TMEM158: variants seen among roughly 807,000 people sequenced by gnomAD.
TMEM158 encodes 40 kDa BINP-binding protein.
A neutral mutation model predicts 12.0 loss-of-function variants in TMEM158; 7 were observed. The ratio of observed to expected loss-of-function variants is 0.59; its 90% CI spans 0.33 to 1.10. The LOEUF is 1.10. Among genes scored for constraint, TMEM158 ranks in the 50% least tolerant of loss-of-function variants. The probability of loss-of-function intolerance (pLI) is 0.03; values close to 1 mark genes in which losing one functional copy is unlikely to be tolerated. For synonymous variants in TMEM158, 209 were observed against 231.1 expected, an observed-to-expected ratio of 0.90 and a Z score of 0.87; for missense variants, 405 against 454.7, an observed-to-expected ratio of 0.89 and a Z score of 0.99.
Position 45,224,662 on chromosome 3 carries a change from A to G in TMEM158, c.*463T>C, listed in dbSNP as rs983142967. Reference sequence around the variant, plus strand: ...TAAATTAAAAAACCACAAATTTCAAATACAACTATGTTCAGATACAAAGAG... The same window carrying G: ...TAAATTAAAAAACCACAAATTTCAAGTACAACTATGTTCAGATACAAAGAG... On this transcript the variant is annotated 3_prime_UTR_variant, in exon 1 of 1. Coordinates refer to ENST00000503771, the MANE Select transcript of TMEM158 (RefSeq NM_015444.3). 6.5e-6 allele frequency: 1 copy of G among 153,900 alleles called. No individual in the cohort carries two copies. The highest frequency in any genetic ancestry group is 2.4e-5 in the African/African-American group (1 of 41,546). The allele number at this position is 153,900 out of a possible 1,614,324, so 9.5% of individuals were successfully genotyped here. A position where few individuals can be genotyped will look rare whatever the true frequency, so the allele number is the denominator to read the frequency against.
In TMEM158 at chr3:45,225,703, C is replaced by T. The variant is rs1224305371; in HGVS notation, c.325G>A (p.Gly109Ser). Reference protein sequence around the residue: ...DLLLFSTNAHGRAFFAAAFHR... With the variant: ...DLLLFSTNAHSRAFFAAAFHR... ...AAGGCGGCGGCGAAGAAAGCGCGGCCGTGCGCGTTGGTGGAGAAGAGCAGT... is the reference window on the plus strand; with the variant it reads ...AAGGCGGCGGCGAAGAAAGCGCGGCTGTGCGCGTTGGTGGAGAAGAGCAGT... The change falls in exon 1 of 1, where the codon GGC becomes AGC. Residue 109 changes from glycine (G) to serine (S), a missense_variant. Gly to Ser is a moderately conservative substitution (Grantham distance 56). Transcript: ENST00000503771. This position sits in a 1 kb window ranked among gnomAD's most constrained non-coding sequence, Gnocchi z 5.7. 1 of 1,464,730 alleles carries T rather than the reference C, an allele frequency of 6.8e-7. No individual in the cohort carries two copies. The highest frequency in any genetic ancestry group is 9.0e-7 in the Non-Finnish European group (1 of 1,106,058). 90.7% of individuals were successfully genotyped at this position (1,464,730 alleles called of 1,614,324 possible).
In TMEM158 at chr3:45,226,135, AGTGCGGGCGCGCCGGGCGCC is replaced by A. The variant is rs1700157719; in HGVS notation, c.-128_-109del. 2.0e-6 allele frequency: 2 copies of A among 980,028 alleles called. No homozygotes were observed. Among genetic ancestry groups the A allele is most frequent in the African/African-American group, 3.5e-5 (2 of 56,608 alleles). The allele number at this position is 980,028 out of a possible 1,614,324, so 60.7% of individuals were successfully genotyped here. ...ACCGCGGGAGCCGGCGGCCGGGCGCAGTGCGGGCGCGCCGGGCGCCTGCCAAGCCCGCAGGGGCGGCGCGG... is the reference window on the plus strand; with the variant it reads ...ACCGCGGGAGCCGGCGGCCGGGCGCATGCCAAGCCCGCAGGGGCGGCGCGG... On this transcript the variant is annotated 5_prime_UTR_variant, in exon 1 of 1. The change creates a new upstream start codon in the 5' untranslated region. Coordinates refer to ENST00000503771, the MANE Select transcript of TMEM158 (RefSeq NM_015444.3).
Position 45,225,851 on chromosome 3 carries a change from G to GC in TMEM158, c.176_177insG (p.Glu60ArgfsTer159). On this transcript the variant is annotated frameshift_variant, in exon 1 of 1. Coordinates refer to ENST00000503771, the MANE Select transcript of TMEM158 (RefSeq NM_015444.3). LOFTEE classifies it high-confidence loss of function. The surrounding 1 kb of genome is among the most constrained non-coding windows in gnomAD (Gnocchi z 5.7). Reference sequence around the variant, plus strand: ...CCGCCTCCTCCGGGCCCGGGCGCTCGGGGGGCCCGGGGGCCGCCGAGGCCA... The same window carrying GC: ...CCGCCTCCTCCGGGCCCGGGCGCTCGCGGGGGCCCGGGGGCCGCCGAGGCCA... 3 of 1,225,164 alleles carry GC rather than the reference G, an allele frequency of 2.4e-6. No individual in the cohort carries two copies. Among genetic ancestry groups the GC allele is most frequent in the Non-Finnish European group, 3.0e-6 (3 of 983,764 alleles). The allele number at this position is 1,225,164 out of a possible 1,614,324, so 75.9% of individuals were successfully genotyped here. A position where few individuals can be genotyped will look rare whatever the true frequency, so the allele number is the denominator to read the frequency against.
rs972312990 is a variant in TMEM158, at chr3:45,226,240, T to C, written c.-213A>G. ...CCTCCAGACCCGGTTGCGTTTGGGG[T>C]TCCCCGCCGCCCCCGGCGCCGGGGC... On this transcript the variant is annotated 5_prime_UTR_variant, in exon 1 of 1. Coordinates refer to ENST00000503771, the MANE Select transcript of TMEM158 (RefSeq NM_015444.3). 7 of 454,418 alleles carry C rather than the reference T, an allele frequency of 1.5e-5. No individual in the cohort carries two copies. The highest frequency in any genetic ancestry group is 1.1e-4 in the African/African-American group (5 of 46,392). 28.1% of individuals were successfully genotyped at this position (454,418 alleles called of 1,614,324 possible). A position where few individuals can be genotyped will look rare whatever the true frequency, so the allele number is the denominator to read the frequency against.
chr3:45,225,717 G>A lies in TMEM158; in HGVS notation c.311C>T (p.Ser104Phe). 6.8e-7 allele frequency: 1 copy of A among 1,464,806 alleles called. No homozygotes were observed. The highest frequency in any genetic ancestry group is 9.0e-7 in the Non-Finnish European group (1 of 1,105,698). 90.7% of individuals were successfully genotyped at this position (1,464,806 alleles called of 1,614,324 possible). The stretch of plus-strand genomic sequence containing the variant: ...GAAAGCGCGGCCGTGCGCGTTGGTG[G>A]AGAAGAGCAGTAGGTCGCACTGGAA... Reference protein sequence around the residue: ...RGFQCDLLLFSTNAHGRAFFA... With the variant: ...RGFQCDLLLFFTNAHGRAFFA... Residue 104 changes from serine to phenylalanine, a missense_variant, in exon 1 of 1, where the codon TCC becomes TTC. Coordinates refer to ENST00000503771, the MANE Select transcript of TMEM158 (RefSeq NM_015444.3). The surrounding 1 kb of genome is among the most constrained non-coding windows in gnomAD (Gnocchi z 5.7).
In TMEM158 at chr3:45,224,981, A is replaced by G; in HGVS notation, c.*144T>C. ...AAGCGCAGCACAAACCTTGCTTTTCAAAGGCGCTGGGGTCTCTCGGCGGCC... is the reference window on the plus strand; with the variant it reads ...AAGCGCAGCACAAACCTTGCTTTTCGAAGGCGCTGGGGTCTCTCGGCGGCC... On this transcript the variant is annotated 3_prime_UTR_variant, in exon 1 of 1. Coordinates refer to ENST00000503771, the MANE Select transcript of TMEM158 (RefSeq NM_015444.3). 1 of 1,177,628 alleles carries G rather than the reference A, an allele frequency of 8.5e-7. No individual in the cohort carries two copies. Among genetic ancestry groups the G allele is most frequent in the Non-Finnish European group, 1.1e-6 (1 of 950,056 alleles). 72.9% of individuals were successfully genotyped at this position (1,177,628 alleles called of 1,614,324 possible). A position where few individuals can be genotyped will look rare whatever the true frequency, so the allele number is the denominator to read the frequency against.
chr3:45,225,061 T>C lies in TMEM158; in HGVS notation c.*64A>G. The C allele has an allele frequency of 8.2e-7, 1 of 1,223,434 alleles. No homozygotes were observed. Among genetic ancestry groups the C allele is most frequent in the Non-Finnish European group, 1.0e-6 (1 of 984,072 alleles). The allele number at this position is 1,223,434 out of a possible 1,614,324, so 75.8% of individuals were successfully genotyped here. ...TACAGCACGAAGCACACCGGCCGAG[T>C]CTCCGGCGGGAAAGGCACCCGCGCG... On this transcript the variant is annotated 3_prime_UTR_variant, in exon 1 of 1. Transcript: ENST00000503771. This position sits in a 1 kb window ranked among gnomAD's most constrained non-coding sequence, Gnocchi z 5.7.
rs1700148200 is a variant in TMEM158, at chr3:45,225,516, CCGGCGGTGG to C, written c.503_511del (p.Ala168_Ala170del). 1.8e-6 allele frequency: 2 copies of C among 1,123,842 alleles called. No homozygotes were observed. The highest frequency in any genetic ancestry group is 2.2e-6 in the Non-Finnish European group (2 of 915,790). The allele number at this position is 1,123,842 out of a possible 1,614,324, so 69.6% of individuals were successfully genotyped here. A position where few individuals can be genotyped will look rare whatever the true frequency, so the allele number is the denominator to read the frequency against. The stretch of plus-strand genomic sequence containing the variant: ...GTAGGCTGGCAGCGCGGTGGGCGCC[CCGGCGGTGG>C]CGGCGGCGGCGCTGGGGGCGGCGGC... On this transcript the variant is annotated inframe_deletion, in exon 1 of 1. Transcript: ENST00000503771. The surrounding 1 kb of genome is among the most constrained non-coding windows in gnomAD (Gnocchi z 5.7).
Position 45,226,059 on chromosome 3 carries a change from C to T in TMEM158, c.-32G>A. On this transcript the variant is annotated 5_prime_UTR_variant, in exon 1 of 1. Transcript: ENST00000503771. ...CGGCGGGCGCCTACGCGCGCGAGGC[C>T]GGCGGCGGTTGCATGGCGAGCGGGC... 3.0e-6 allele frequency: 3 copies of T among 985,058 alleles called. No individual in the cohort carries two copies. Among genetic ancestry groups the T allele is most frequent in the Non-Finnish European group, 3.6e-6 (3 of 831,208 alleles). The allele number at this position is 985,058 out of a possible 1,614,324, so 61.0% of individuals were successfully genotyped here.
chr3:45,226,132 C>A lies in TMEM158; in HGVS notation c.-105G>T, dbSNP rs1303163485. 1.0e-6 allele frequency: 1 copy of A among 980,240 alleles called. No individual in the cohort carries two copies. Among genetic ancestry groups the A allele is most frequent in the Non-Finnish European group, 1.2e-6 (1 of 827,874 alleles). The allele number at this position is 980,240 out of a possible 1,614,324, so 60.7% of individuals were successfully genotyped here. A position where few individuals can be genotyped will look rare whatever the true frequency, so the allele number is the denominator to read the frequency against. On this transcript the variant is annotated 5_prime_UTR_variant, in exon 1 of 1. Coordinates refer to ENST00000503771, the MANE Select transcript of TMEM158 (RefSeq NM_015444.3). The stretch of plus-strand genomic sequence containing the variant: ...GGGACCGCGGGAGCCGGCGGCCGGG[C>A]GCAGTGCGGGCGCGCCGGGCGCCTG...
chr3:45,225,508 TGGGCGCCCCGGCGGTGGCGGC>T lies in TMEM158; in HGVS notation c.499_519del (p.Ala167_Pro173del). ...GCCGCGGGGTAGGCTGGCAGCGCGG[TGGGCGCCCCGGCGGTGGCGGC>T]GGCGGCGCTGGGGGCGGCGGCGGGC... is the stretch of plus-strand genomic sequence containing the variant. On this transcript the variant is annotated inframe_deletion, in exon 1 of 1. Coordinates refer to ENST00000503771, the MANE Select transcript of TMEM158 (RefSeq NM_015444.3). This position sits in a 1 kb window ranked among gnomAD's most constrained non-coding sequence, Gnocchi z 5.7. The T allele has an allele frequency of 8.6e-7, 1 of 1,163,524 alleles. No homozygotes were observed. The highest frequency in any genetic ancestry group is 1.1e-6 in the Non-Finnish European group (1 of 939,222). The allele number at this position is 1,163,524 out of a possible 1,614,324, so 72.1% of individuals were successfully genotyped here.
Position 45,226,047 on chromosome 3 carries a change from C to A in TMEM158, c.-20G>T. On this transcript the variant is annotated 5_prime_UTR_variant, in exon 1 of 1. Coordinates refer to ENST00000503771, the MANE Select transcript of TMEM158 (RefSeq NM_015444.3). Reference sequence around the variant, plus strand: ...CAGCATGGCCTGCGGCGGGCGCCTACGCGCGCGAGGCCGGCGGCGGTTGCA... The same window carrying A: ...CAGCATGGCCTGCGGCGGGCGCCTAAGCGCGCGAGGCCGGCGGCGGTTGCA... 1 of 989,280 alleles carries A rather than the reference C, an allele frequency of 1.0e-6. No homozygotes were observed. The highest frequency in any genetic ancestry group is 1.2e-6 in the Non-Finnish European group (1 of 834,104). 61.3% of individuals were successfully genotyped at this position (989,280 alleles called of 1,614,324 possible). A position where few individuals can be genotyped will look rare whatever the true frequency, so the allele number is the denominator to read the frequency against.
At position 45,224,999 on chromosome 3, in the gene TMEM158, C is replaced by T; in HGVS notation, c.*126G>A. 2 of 1,187,154 alleles carry T rather than the reference C, an allele frequency of 1.7e-6. No homozygotes were observed. The highest frequency in any genetic ancestry group is 1.6e-5 in the African/African-American group (1 of 62,780). The allele number at this position is 1,187,154 out of a possible 1,614,324, so 73.5% of individuals were successfully genotyped here. On this transcript the variant is annotated 3_prime_UTR_variant, in exon 1 of 1. Coordinates refer to ENST00000503771, the MANE Select transcript of TMEM158 (RefSeq NM_015444.3). Reference sequence around the variant, plus strand: ...GCTTTTCAAAGGCGCTGGGGTCTCTCGGCGGCCCCATCTCGGGAAGAGGAA... The same window carrying T: ...GCTTTTCAAAGGCGCTGGGGTCTCTTGGCGGCCCCATCTCGGGAAGAGGAA...
Position 45,225,185 on chromosome 3 carries a change from G to GGCGGCT in TMEM158, c.837_842dup (p.Ala291_Ala292dup). 2 of 1,268,188 alleles carry GGCGGCT rather than the reference G, an allele frequency of 1.6e-6. No individual in the cohort carries two copies. Among genetic ancestry groups the GGCGGCT allele is most frequent in the East Asian group, 3.1e-5 (1 of 32,130 alleles). 78.6% of individuals were successfully genotyped at this position (1,268,188 alleles called of 1,614,324 possible). ...CGGCGGCGGCAGCGGCGGCGGCGGCGGCGGCTGCGGTGGTCCCTGCGGGCA... is the reference window on the plus strand; with the variant it reads ...CGGCGGCGGCAGCGGCGGCGGCGGCGGCGGCTGCGGCTGCGGTGGTCCCTGCGGGCA... On this transcript the variant is annotated inframe_insertion, in exon 1 of 1. Transcript: ENST00000503771. The surrounding 1 kb of genome is among the most constrained non-coding windows in gnomAD (Gnocchi z 5.7).
In TMEM158 at chr3:45,225,872, G is replaced by A; in HGVS notation, c.156C>T (p.Ala52=). The change falls in exon 1 of 1, where the codon GCC becomes GCT. Residue 52 remains alanine, a synonymous_variant. Coordinates refer to ENST00000503771, the MANE Select transcript of TMEM158 (RefSeq NM_015444.3). The surrounding 1 kb of genome is among the most constrained non-coding windows in gnomAD (Gnocchi z 5.7). The part of the protein sequence containing the change: ...ADEPIAPRLL[A]SAAPGPPERP... ...GCTCGGGGGGCCCGGGGGCCGCCGA[G>A]GCCAGCAGCCGCGGGGCGATGGGCT... 1 of 1,221,118 alleles carries A rather than the reference G, an allele frequency of 8.2e-7. No individual in the cohort carries two copies. The highest frequency in any genetic ancestry group is 3.4e-5 in the South Asian group (1 of 29,304). The allele number at this position is 1,221,118 out of a possible 1,614,324, so 75.6% of individuals were successfully genotyped here.
In TMEM158 at chr3:45,225,559, G is replaced by C; in HGVS notation, c.469C>G (p.Leu157Val). 9.4e-7 allele frequency: 1 copy of C among 1,060,400 alleles called. No individual in the cohort carries two copies. Among genetic ancestry groups the C allele is most frequent in the Non-Finnish European group, 1.1e-6 (1 of 881,030 alleles). 65.7% of individuals were successfully genotyped at this position (1,060,400 alleles called of 1,614,324 possible). ...GCGCTGGGGGCGGCGGCGGGCCGGAGGCGGCCGGTGCGGCGACCGCGCACC... is the reference window on the plus strand; with the variant it reads ...GCGCTGGGGGCGGCGGCGGGCCGGACGCGGCCGGTGCGGCGACCGCGCACC... ...GWVRGRRTGR[L>V]RPAAAPSAAA... Residue 157 changes from leucine to valine, a missense_variant, in exon 1 of 1, where the codon CTC (leucine) becomes GTC (valine). Physicochemically the swap from Leu to Val is conservative, Grantham distance 32 (BLOSUM62 1). Transcript: ENST00000503771. The surrounding 1 kb of genome is among the most constrained non-coding windows in gnomAD (Gnocchi z 5.7).
chr3:45,225,755 G>A lies in TMEM158; in HGVS notation c.273C>T (p.Gly91=), dbSNP rs1700152157. ...GGTCGCACTGGAAGCCCCGCGGGCG[G>A]CCCCAGCGCACGAGCAGCGAGCTCA... ...QMLSSLLVRW[G]RPRGFQCDLL... Residue 91 remains glycine, a synonymous_variant, in exon 1 of 1, where the codon GGC becomes GGT. Transcript: ENST00000503771. The surrounding 1 kb of genome is among the most constrained non-coding windows in gnomAD (Gnocchi z 5.7). 1.4e-6 allele frequency: 2 copies of A among 1,435,254 alleles called. No individual in the cohort carries two copies. Among genetic ancestry groups the A allele is most frequent in the East Asian group, 6.3e-5 (2 of 31,652 alleles). 88.9% of individuals were successfully genotyped at this position (1,435,254 alleles called of 1,614,324 possible). A position where few individuals can be genotyped will look rare whatever the true frequency, so the allele number is the denominator to read the frequency against.
chr3:45,225,018 A>C lies in TMEM158; in HGVS notation c.*107T>G. ...GTCTCTCGGCGGCCCCATCTCGGGA[A>C]GAGGAACTAACGATAACTACAGCAC... On this transcript the variant is annotated 3_prime_UTR_variant, in exon 1 of 1. Transcript: ENST00000503771. This position sits in a 1 kb window ranked among gnomAD's most constrained non-coding sequence, Gnocchi z 5.7. 8.4e-7 allele frequency: 1 copy of C among 1,189,900 alleles called. No homozygotes were observed. 73.7% of individuals were successfully genotyped at this position (1,189,900 alleles called of 1,614,324 possible).
At position 45,225,617 on chromosome 3, in the gene TMEM158, C is replaced by T; in HGVS notation, c.411G>A (p.Gln137=). 1.4e-6 allele frequency: 2 copies of T among 1,383,376 alleles called. No individual in the cohort carries two copies. Among genetic ancestry groups the T allele is most frequent in the African/African-American group, 1.5e-5 (1 of 64,796 alleles). 85.7% of individuals were successfully genotyped at this position (1,383,376 alleles called of 1,614,324 possible). The change falls in exon 1 of 1, where the codon CAG becomes CAA. Residue 137 remains glutamine, a synonymous_variant. Coordinates refer to ENST00000503771, the MANE Select transcript of TMEM158 (RefSeq NM_015444.3). The surrounding 1 kb of genome is among the most constrained non-coding windows in gnomAD (Gnocchi z 5.7). ...AGCCCACGCAGAGGCGCAGGTCCTG[C>T]TGCGCGCCGCCCGCCGCCAGCCCCA... ...EHLGLAAGGA[Q]QDLRLCVGCG... is the part of the protein sequence containing the mutation.
Sources: allele counts gnomAD v4.1 joint callset, GRCh38; gene constraint gnomAD v4.1.1; non-coding constraint Gnocchi (gnomAD v3.1); transcripts MANE v1.5; gene names NCBI Gene and HGNC (gene_info 2026-07-23, HGNC 2026-07-21).